Variants in PPARGC1A observed in about 807,000 individuals in gnomAD.
PPARGC1A encodes the protein PPARG coactivator 1 alpha, also known as peroxisome proliferator-activated receptor gamma coactivator 1-alpha.
Under a neutral mutation model 88.7 loss-of-function variants are expected in PPARGC1A, and 25 were observed. The ratio of observed to expected loss-of-function variants is 0.28; its 90% CI spans 0.21 to 0.39. The LOEUF is 0.39. PPARGC1A is among the 10% of genes least tolerant of loss of function. The pLI, the probability that PPARGC1A is intolerant of heterozygous loss-of-function variation, is 1.00. For missense variants in PPARGC1A, 880 were observed against 968.7 expected (o/e 0.91, Z 1.22); for synonymous variants, 363 against 355.6 (o/e 1.02, Z -0.24).
chr4:24,071,603 A>G, the PPARGC1A span, among the ~76,000 whole-genome samples: 1 of 152,040 alleles, frequency 6.6e-6, no homozygotes, highest in Non-Finnish European at 1.5e-5. Context: ...GGTGAATTGT[A>G]TTCACGTTAA....
intron 7 of PPARGC1A, among the ~76,000 whole-genome samples, chr4:23,819,966 T>C (rs1483521024): frequency 6.6e-6 from 1 of 152,198 alleles, no homozygotes; most frequent in Non-Finnish European, 1.5e-5. Flanking sequence ...AAGGAGTATG[T>C]ATGCCAAAAG....
the PPARGC1A span, among the ~76,000 whole-genome samples, chr4:23,984,118 G>A: frequency 4.6e-5 from 7 of 151,916 alleles, no homozygotes; most frequent in Non-Finnish European, 1.0e-4. Context: ...TATGAGCTCC[G>A]TTATTAATAG....
the PPARGC1A span, among the ~76,000 whole-genome samples, chr4:24,099,433 T>A: frequency 6.6e-6 from 1 of 152,124 alleles, no homozygotes; most frequent in South Asian, 2.1e-4. Flanking sequence ...TCTGACATTG[T>A]GTTACAAGTT....
the PPARGC1A span, among the ~76,000 whole-genome samples, chr4:24,290,893 T>C: frequency 1.3e-5 from 2 of 152,254 alleles, no homozygotes; most frequent in African/African-American, 2.4e-5. Flanking sequence ...TTTCTTTTCC[T>C]ACTGATTCCT....
chr4:24,000,301 C>G, the PPARGC1A span, among the ~76,000 whole-genome samples: 4 of 152,142 alleles, frequency 2.6e-5, no homozygotes, highest in Non-Finnish European at 5.9e-5. Flanking sequence ...CCAGAAAGCT[C>G]AGATGTTAAC....
chr4:24,428,631 T>A, the PPARGC1A span, among the ~76,000 whole-genome samples: 5 of 152,210 alleles, frequency 3.3e-5, no homozygotes, highest in African/African-American at 1.2e-4. Context: ...TCTCTCCAAG[T>A]AAAGGACACC....
the PPARGC1A span, among the ~76,000 whole-genome samples, chr4:24,233,585 TACACAC>T: frequency 0.051 from 7,636 of 149,232 alleles, 327 homozygotes; most frequent in African/African-American, 0.11. Flanking sequence ...CACAAACACA[TACACAC>T]ACACACACAC....
At chr4:23,945,977 G>C in the PPARGC1A span, among the ~76,000 whole-genome samples, 1 of 152,136 alleles carries the variant, frequency 6.6e-6, no homozygotes, top group Non-Finnish European at 1.5e-5. Context: ...ACCCAGAACA[G>C]CTGGAGGTGG....
chr4:23,845,069 G>A (rs899001406), intron 2 of PPARGC1A, among the ~76,000 whole-genome samples: 2 of 151,248 alleles, frequency 1.3e-5, no homozygotes, highest in African/African-American at 2.4e-5. Flanking sequence ...GCAGGAGGGG[G>A]GTGATAGGCA....
the PPARGC1A span, among the ~76,000 whole-genome samples, chr4:24,183,285 C>A: frequency 3.9e-5 from 6 of 152,214 alleles, no homozygotes; most frequent in Admixed American, 1.3e-4. Context: ...TCTTATTACC[C>A]CATTTCATAG....
upstream of PPARGC1A, among the ~76,000 whole-genome samples, chr4:23,907,730 G>A (rs1180368760): frequency 9.6e-6 from 1 of 104,326 alleles, no homozygotes; most frequent in Non-Finnish European, 1.9e-5. Context: ...CCTTTTCTAC[G>A]TAGTTCGAGT....
At chr4:24,109,186 T>C in the PPARGC1A span, among the ~76,000 whole-genome samples, 1 of 151,976 alleles carries the variant, frequency 6.6e-6, no homozygotes. Flanking sequence ...TATTAAAATA[T>C]GGCCCCCAGC....
the PPARGC1A span, among the ~76,000 whole-genome samples, chr4:24,288,451 A>C: frequency 6.6e-6 from 1 of 152,222 alleles, no homozygotes; most frequent in Non-Finnish European, 1.5e-5. Context: ...TTATCAACTA[A>C]GGGGCAGTAG....
At chr4:24,061,066 G>A in the PPARGC1A span, among the ~76,000 whole-genome samples, 3 of 150,996 alleles carry the variant, frequency 2.0e-5, no homozygotes, top group Non-Finnish European at 2.9e-5. Context: ...GAAAAAAAAA[G>A]AAAAGAAAAG....
chr4:23,963,072 G>A, the PPARGC1A span, among the ~76,000 whole-genome samples: 1 of 152,048 alleles, frequency 6.6e-6, no homozygotes, highest in Non-Finnish European at 1.5e-5. Flanking sequence ...TTCCAATGGG[G>A]GCCATCTATC....
At chr4:24,297,509 G>A in the PPARGC1A span, among the ~76,000 whole-genome samples, 1 of 151,890 alleles carries the variant, frequency 6.6e-6, no homozygotes, top group Non-Finnish European at 1.5e-5. Flanking sequence ...AGAGGCCAAC[G>A]AACAAATTAT....
At chr4:24,190,855 C>T in the PPARGC1A span, among the ~76,000 whole-genome samples, 3 of 152,196 alleles carry the variant, frequency 2.0e-5, no homozygotes, top group Non-Finnish European at 2.9e-5. Flanking sequence ...TGGTGGACTA[C>T]GATAAACAGC....
the PPARGC1A span, among the ~76,000 whole-genome samples, chr4:24,055,112 A>C: frequency 2.4e-4 from 36 of 152,186 alleles, no homozygotes; most frequent in African/African-American, 8.4e-4. Flanking sequence ...ACTGGTTAAG[A>C]CTTGAGAACC....
chr4:24,386,786 G>A, the PPARGC1A span, among the ~76,000 whole-genome samples: 2 of 152,308 alleles, frequency 1.3e-5, no homozygotes, highest in East Asian at 3.9e-4. Flanking sequence ...TGGATAGGAT[G>A]AATCAATATT....
Sources: gnomAD v4.1 joint callset for allele counts (sites outside exome capture counted in the v4.1 genomes callset) on GRCh38, gnomAD v4.1.1 for gene constraint, MANE v1.5 for transcripts, NCBI Gene and HGNC (gene_info 2026-07-23, HGNC 2026-07-21) for gene names.